Variants in DSCAM observed in about 807,000 individuals in gnomAD.
DSCAM encodes the protein DS cell adhesion molecule, also known as cell adhesion molecule DSCAM.
DSCAM carries 47 observed loss-of-function variants against 217.7 expected under a neutral mutation model. The observed-to-expected ratio is 0.22, with a 90% CI of 0.17 to 0.28. The LOEUF (loss-of-function observed/expected upper bound fraction) is 0.28, where lower values mean the gene tolerates loss of function less well. Ranked by LOEUF, DSCAM falls within the 10% of genes least tolerant of loss-of-function variation. DSCAM has a pLI of 1.00. For synonymous variants in DSCAM, 1,056 were observed against 1,015.3 expected (o/e 1.04, Z -0.76); for missense variants, 2,080 against 2,618.3 (o/e 0.79, Z 4.49).
At chr21:40,419,631 T>C (rs893319524) in intron 3 of DSCAM, among the ~76,000 whole-genome samples, 2 of 152,162 alleles carry the variant, frequency 1.3e-5, no homozygotes, top group African/African-American at 4.8e-5. Flanking sequence ...ATATAATTTC[T>C]GGGAAAAATT....
At chr21:40,432,081 T>C (rs930225155) in intron 3 of DSCAM, among the ~76,000 whole-genome samples, 24 of 152,202 alleles carry the variant, frequency 1.6e-4, no homozygotes, top group African/African-American at 5.8e-4. Flanking sequence ...TGGGTGCCTG[T>C]AATTTCAGCT....
At chr21:40,332,341 T>A (rs1461673078) in intron 8 of DSCAM, among the ~76,000 whole-genome samples, 1 of 152,150 alleles carries the variant, frequency 6.6e-6, no homozygotes, top group Non-Finnish European at 1.5e-5. Flanking sequence ...TGCGTTTGAG[T>A]CTTGAATGTA....
rs1254205407 is a variant in DSCAM, at chr21:40,763,606, T to C, written c.44-54835A>G. ...CTAGAGAAAACTACTTTAAATTTCA[T>C]ACGGAATCAAAAAAGAGCCTGTGTA... On this transcript the variant is annotated intron_variant, in intron 1 of 32. Transcript: ENST00000400454. 4.6e-5 allele frequency among the ~76,000 whole-genome samples: 7 copies of C among 152,178 alleles called. No homozygotes were observed. In the South Asian group the frequency reaches 1.2e-3, roughly 27 times the overall value.
rs1007015659 is a variant in DSCAM at position 40,780,423 on chromosome 21, G to GTGTATATATATATA, written c.43+66195_43+66196insTATATATATATACA. Among the ~76,000 whole-genome samples, 14 of 56,428 alleles carry GTGTATATATATATA rather than the reference G, an allele frequency of 2.5e-4. No individual in the cohort carries two copies. In the East Asian group the frequency reaches 3.6e-3, roughly 15 times the overall value. The allele number at this position is 56,428 out of a possible 152,430, so 37.0% of individuals were successfully genotyped here. A position where few individuals can be genotyped will look rare whatever the true frequency, so the allele number is the denominator to read the frequency against. ...CGTGTGTGTGTGTGTGTGTGTGTGT[G>GTGTATATATATATA]TATATATATATATATATATATATAT... On this transcript the variant is annotated intron_variant, in intron 1 of 32. Coordinates refer to ENST00000400454, the MANE Select transcript of DSCAM (RefSeq NM_001389.5).
intron 3 of DSCAM, among the ~76,000 whole-genome samples, chr21:40,457,586 C>T (rs993813352): frequency 6.6e-5 from 10 of 151,936 alleles, no homozygotes; most frequent in Non-Finnish European, 2.9e-5. Flanking sequence ...TTTGTAATTA[C>T]AGAGTTAGCC....
intron 3 of DSCAM, among the ~76,000 whole-genome samples, chr21:40,505,229 C>CAGCT (rs1243794921): frequency 6.6e-6 from 1 of 152,188 alleles, no homozygotes; most frequent in Non-Finnish European, 1.5e-5. Context: ...CCGTGACAGG[C>CAGCT]AGCTGGGTTC....
At chr21:40,421,968 T>C (rs1186832617) in intron 3 of DSCAM, among the ~76,000 whole-genome samples, 1 of 152,196 alleles carries the variant, frequency 6.6e-6, no homozygotes, top group Non-Finnish European at 1.5e-5. Flanking sequence ...TCTGAGCATG[T>C]AATGCATATG....
intron 4 of DSCAM, among the ~76,000 whole-genome samples, chr21:40,360,045 T>C (rs2074740970): frequency 6.6e-6 from 1 of 150,960 alleles, no homozygotes; most frequent in African/African-American, 2.4e-5. Context: ...ATTTGTTACA[T>C]GGGAATATTA....
At chr21:40,734,170 A>T (rs1376766761) in intron 1 of DSCAM, among the ~76,000 whole-genome samples, 1 of 152,176 alleles carries the variant, frequency 6.6e-6, no homozygotes, top group Non-Finnish European at 1.5e-5. Flanking sequence ...AGTCACCCCA[A>T]GAAACGCTAA....
At chr21:40,760,169 A>T (rs952208946) in intron 1 of DSCAM, among the ~76,000 whole-genome samples, 6 of 151,086 alleles carry the variant, frequency 4.0e-5, no homozygotes, top group South Asian at 2.1e-4. Context: ...AATTTTTGAA[A>T]TTTTTTTTCA....
intron 8 of DSCAM, among the ~76,000 whole-genome samples, chr21:40,333,116 C>T (rs1305509892): frequency 6.6e-6 from 1 of 152,070 alleles, no homozygotes; most frequent in Non-Finnish European, 1.5e-5. Flanking sequence ...TGTGGTCTCC[C>T]AGGAAAAGTA....
chr21:40,514,039 C>T (rs965869407), intron 3 of DSCAM, among the ~76,000 whole-genome samples: 2 of 152,128 alleles, frequency 1.3e-5, no homozygotes, highest in African/African-American at 4.8e-5. Context: ...AAGGAACCTC[C>T]AAGGCCATTT....
intron 11 of DSCAM, among the ~76,000 whole-genome samples, chr21:40,225,291 C>T (rs756148184): frequency 1.3e-5 from 2 of 152,198 alleles, no homozygotes; most frequent in Non-Finnish European, 2.9e-5. Context: ...CCTTGACCAT[C>T]ATTTCACGGC....
chr21:40,392,674 C>T (rs1032882545), intron 3 of DSCAM, among the ~76,000 whole-genome samples: 4 of 152,124 alleles, frequency 2.6e-5, no homozygotes, highest in Non-Finnish European at 5.9e-5. Context: ...AACGGTGAAG[C>T]CTCTGGGTCT....
At chr21:40,589,392 A>G (rs1304283816) in intron 3 of DSCAM, among the ~76,000 whole-genome samples, 1 of 152,184 alleles carries the variant, frequency 6.6e-6, no homozygotes, top group Non-Finnish European at 1.5e-5. Flanking sequence ...CCTGGCCAAT[A>G]TGGTGAAACC....
At chr21:40,836,402 G>T (rs1419228810) in intron 1 of DSCAM, among the ~76,000 whole-genome samples, 1 of 152,182 alleles carries the variant, frequency 6.6e-6, no homozygotes, top group Admixed American at 6.5e-5. Flanking sequence ...TGATTCGTAA[G>T]CTGCTAGCAT....
In DSCAM at chr21:40,242,328, G is replaced by A. The variant is rs1436920777; in HGVS notation, c.2356+33769C>T. ...CCGCTCATCTACCTTCTGAGCACCTGGGAAACTTGTTCTGCCTGGTCCCTT... is the reference window on the plus strand; with the variant it reads ...CCGCTCATCTACCTTCTGAGCACCTAGGAAACTTGTTCTGCCTGGTCCCTT... On this transcript the variant is annotated intron_variant, in intron 11 of 32. Coordinates refer to ENST00000400454, the MANE Select transcript of DSCAM (RefSeq NM_001389.5). 3.3e-5 allele frequency among the ~76,000 whole-genome samples: 5 copies of A among 152,188 alleles called. No homozygotes were observed. In the South Asian group the frequency reaches 8.3e-4, roughly 25 times the overall value.
In DSCAM at chr21:40,189,167, T is replaced by C; in HGVS notation, c.2428A>G (p.Thr810Ala). 1.2e-6 allele frequency: 2 copies of C among 1,613,952 alleles called. No individual in the cohort carries two copies. Among genetic ancestry groups the C allele is most frequent in the South Asian group, 1.1e-5 (1 of 90,992 alleles). The change falls in exon 12 of 33, where the codon ACG becomes GCG. Residue 810 changes from threonine (T) to alanine (A), a missense_variant. Around this residue, in one of 5 missense-constraint regions of DSCAM, gnomAD observed 1,144 missense variants for 1,421.1 expected, o/e 0.81. Transcript: ENST00000400454. The stretch of plus-strand genomic sequence containing the variant: ...ATAATGGGCTTCTCACCATGCGCCG[T>C]GCAGCTCATCTCCTTTTTCTGCCCC... ...TQGQKKEMSC[T>A]AHGEKPIIVR...
intron 3 of DSCAM, among the ~76,000 whole-genome samples, chr21:40,476,473 T>C (rs981590708): frequency 6.6e-6 from 1 of 152,210 alleles, no homozygotes; most frequent in Non-Finnish European, 1.5e-5. Context: ...TTTATCATAA[T>C]AATATTGATG....
Sources: allele counts gnomAD v4.1 joint callset (sites outside exome capture counted in the v4.1 genomes callset), GRCh38; gene constraint gnomAD v4.1.1; regional missense constraint gnomAD v4.1.1; transcripts MANE v1.5; gene names NCBI Gene and HGNC (gene_info 2026-07-23, HGNC 2026-07-21).